Variants in ERCC6L2 observed in about 807,000 individuals in gnomAD.
The protein encoded by ERCC6L2 is ERCC excision repair 6 like 2.
In ERCC6L2, 77 loss-of-function variants were observed where a neutral mutation model predicts 132.0. That is an observed-to-expected ratio of 0.58 (90% CI 0.49 to 0.71). The LOEUF is 0.71. Among genes scored for constraint, ERCC6L2 ranks in the 30% least tolerant of loss-of-function variants. The pLI, the probability that ERCC6L2 is intolerant of heterozygous loss-of-function variation, is 0.00. For synonymous variants in ERCC6L2, 583 were observed against 632.4 expected (o/e 0.92, Z 1.17); for missense variants, 1,542 against 1,837.6 (o/e 0.84, Z 2.94).
chr9:95,932,190 C>T (rs544725952), intron 11 of ERCC6L2, among the ~76,000 whole-genome samples: 11 of 151,978 alleles, frequency 7.2e-5, no homozygotes, highest in Non-Finnish European at 1.3e-4. Flanking sequence ...CTCAGCCTCC[C>T]GAGCAGCTGG....
chr9:95,921,137 C>A, intron 6 of ERCC6L2, 38 bp from the exon 7 acceptor site: 1 of 1,549,066 alleles, frequency 6.5e-7, no homozygotes, highest in South Asian at 1.2e-5. Context: ...TTGTTATAAA[C>A]AAAATACTAA....
chr9:95,882,171 G>A (rs1827631926), intron 2 of ERCC6L2, among the ~76,000 whole-genome samples: 1 of 152,242 alleles, frequency 6.6e-6, no homozygotes, highest in African/African-American at 2.4e-5. Context: ...AGGAGAGCAA[G>A]TAGGAGGGCA....
At chr9:95,903,498 A>G (rs965078398) in intron 3 of ERCC6L2, among the ~76,000 whole-genome samples, 7 of 152,102 alleles carry the variant, frequency 4.6e-5, no homozygotes, top group African/African-American at 1.7e-4. Context: ...TGTCATTTCC[A>G]TTCTTATATT....
At chr9:95,889,621 C>T (rs116806995) in intron 2 of ERCC6L2, among the ~76,000 whole-genome samples, 2,723 of 152,090 alleles carry the variant, frequency 0.018, 88 homozygotes, top group African/African-American at 0.061. Context: ...TAGGACAATT[C>T]CATTACCCTA....
chr9:95,930,887 C>G (rs563496374), intron 11 of ERCC6L2, among the ~76,000 whole-genome samples: 3 of 152,122 alleles, frequency 2.0e-5, no homozygotes, highest in Non-Finnish European at 2.9e-5. Flanking sequence ...GTCACCTATA[C>G]ATATTATGTT....
intron 17 of ERCC6L2, among the ~76,000 whole-genome samples, chr9:95,996,716 G>A (rs1289720150): frequency 6.6e-6 from 1 of 152,184 alleles, no homozygotes; most frequent in Non-Finnish European, 1.5e-5. Flanking sequence ...CAGCCCATCT[G>A]TTTATGGCAT....
intron 17 of ERCC6L2, among the ~76,000 whole-genome samples, chr9:95,979,523 C>T (rs1178113768): frequency 3.3e-5 from 5 of 152,060 alleles, no homozygotes; most frequent in Admixed American, 6.5e-5. Context: ...TTTTGGGGAC[C>T]GCAGAACGAT....
chr9:95,899,792 C>A (rs1828674630), intron 3 of ERCC6L2, among the ~76,000 whole-genome samples: 1 of 152,110 alleles, frequency 6.6e-6, no homozygotes, highest in Admixed American at 6.5e-5. Flanking sequence ...AACCTGTTAT[C>A]CTCCCATATA....
intron 17 of ERCC6L2, among the ~76,000 whole-genome samples, chr9:96,001,248 A>G (rs1455649576): frequency 6.6e-6 from 1 of 152,194 alleles, no homozygotes; most frequent in African/African-American, 2.4e-5. Flanking sequence ...CACAGTGTGG[A>G]AGGGGACCCG....
At chr9:95,907,859 C>CACACACACACACACA (rs1564212414) in intron 4 of ERCC6L2, among the ~76,000 whole-genome samples, 1 of 112,722 alleles carries the variant, frequency 8.9e-6, no homozygotes, top group African/African-American at 4.4e-5. Context: ...ACACACACCC[C>CACACACACACACACA]CACACCCACA....
intron 9 of ERCC6L2, among the ~76,000 whole-genome samples, chr9:95,924,953 A>T (rs1347495091): frequency 6.6e-6 from 1 of 152,212 alleles, no homozygotes; most frequent in Non-Finnish European, 1.5e-5. Flanking sequence ...TCATTTGACT[A>T]ACAGCATCAT....
Position 96,017,250 on chromosome 9 carries a change from C to T in ERCC6L2, c.*4047C>T, listed in dbSNP as rs188868652. ...TACACTGTGGCATGTACGGCTGGCT[C>T]CACTTGGTATTTGTTGCAGGAGGGA... On this transcript the variant is annotated 3_prime_UTR_variant, in exon 19 of 19. Transcript: ENST00000653738. Among the ~76,000 whole-genome samples, 65 of 152,236 alleles carry T rather than the reference C, an allele frequency of 4.3e-4. 1 individual carries two copies. In the East Asian group the frequency reaches 0.011, roughly 26 times the overall value.
intron 13 of ERCC6L2, among the ~76,000 whole-genome samples, chr9:95,960,693 T>C (rs2133020905): frequency 6.6e-6 from 1 of 152,290 alleles, no homozygotes; most frequent in African/African-American, 2.4e-5. Context: ...TTAGTGATAC[T>C]GATTTCAGAT....
chr9:95,974,067 A>G (rs1037525904), intron 16 of ERCC6L2, among the ~76,000 whole-genome samples: 3 of 152,212 alleles, frequency 2.0e-5, no homozygotes, highest in South Asian at 2.1e-4. Context: ...ACAAGACTAT[A>G]GTAGGCACAA....
rs1214944100 is a variant in ERCC6L2, at chr9:96,017,553, C to G, written c.*4350C>G. Among the ~76,000 whole-genome samples, 1 of 152,192 alleles carries G rather than the reference C, an allele frequency of 6.6e-6. No individual in the cohort carries two copies. Among genetic ancestry groups the G allele is most frequent in the East Asian group, 1.9e-4 (1 of 5,194 alleles). ...GGGGTCTAGGGCTCAGCACAGGCACCCTTTTTGTTTTTGCAGTTTCACAGG... is the reference window on the plus strand; with the variant it reads ...GGGGTCTAGGGCTCAGCACAGGCACGCTTTTTGTTTTTGCAGTTTCACAGG... On this transcript the variant is annotated 3_prime_UTR_variant, in exon 19 of 19. Coordinates refer to ENST00000653738, the MANE Select transcript of ERCC6L2 (RefSeq NM_020207.7).
chr9:95,891,305 ATAAT>A (rs1046431223), intron 2 of ERCC6L2, among the ~76,000 whole-genome samples: 2 of 152,246 alleles, frequency 1.3e-5, no homozygotes, highest in Non-Finnish European at 2.9e-5. Context: ...TAGAATAAAA[ATAAT>A]TCTGATTACA....
intron 12 of ERCC6L2, among the ~76,000 whole-genome samples, chr9:95,954,457 A>G (rs1210716123): frequency 2.0e-5 from 3 of 152,202 alleles, no homozygotes; most frequent in African/African-American, 7.2e-5. Flanking sequence ...GACAGCCGGA[A>G]CTGAGAACAG....
At chr9:96,035,366 C>T (rs1834507338) in intron 19 of ERCC6L2, among the ~76,000 whole-genome samples, 1 of 152,190 alleles carries the variant, frequency 6.6e-6, no homozygotes, top group Admixed American at 6.5e-5. Context: ...CATGGACCAA[C>T]TGGCAGGCAC....
chr9:95,984,105 CATATACATAACATATATGT>C (rs961398260), intron 17 of ERCC6L2, among the ~76,000 whole-genome samples: 2 of 150,548 alleles, frequency 1.3e-5, no homozygotes, highest in African/African-American at 4.9e-5. Flanking sequence ...ATATATAAAC[CATATACATAACATATATGT>C]TTATACATAT....
Sources: gnomAD v4.1 joint callset for allele counts (sites outside exome capture counted in the v4.1 genomes callset) on GRCh38, gnomAD v4.1.1 for gene constraint, MANE v1.5 for transcripts, NCBI Gene and HGNC (gene_info 2026-07-23, HGNC 2026-07-21) for gene names.